Variants in TENT5D observed in about 807,000 individuals in gnomAD.
TENT5D encodes the protein terminal nucleotidyltransferase 5D, also known as cancer/testis antigen 112.
For missense variants in TENT5D, 191 were observed against 287.0 expected, an observed-to-expected ratio of 0.67 and a Z score of 2.42; for synonymous variants, 103 against 100.6, an observed-to-expected ratio of 1.02 and a Z score of -0.15.
chrX:80,364,751 A>C (rs1474537717), intron 3 of TENT5D, among the ~76,000 whole-genome samples: 1 of 110,012 alleles, frequency 9.1e-6, no homozygotes, highest in Non-Finnish European at 1.9e-5. Context: ...ATTAGTTAGA[A>C]GTTTCCTCTT....
At chrX:80,343,105 A>C (rs1464207553) in intron 3 of TENT5D, among the ~76,000 whole-genome samples, 2 of 111,656 alleles carry the variant, frequency 1.8e-5, no homozygotes, top group African/African-American at 6.5e-5. Flanking sequence ...AATTAAGATG[A>C]AGATTTAGTT....
chrX:80,363,495 G>A (rs759541160), intron 3 of TENT5D, among the ~76,000 whole-genome samples: 51 of 111,813 alleles, frequency 4.6e-4, no homozygotes, highest in African/African-American at 1.5e-3. Context: ...CTTTAAAAGT[G>A]CATACTTTTA....
At chrX:80,391,062 A>G (rs1374527342) in intron 3 of TENT5D, among the ~76,000 whole-genome samples, 2 of 112,045 alleles carry the variant, frequency 1.8e-5, no homozygotes, top group Non-Finnish European at 3.8e-5. Context: ...ACCTTTCTCA[A>G]TGTTAGTTTT....
upstream of TENT5D, among the ~76,000 whole-genome samples, chrX:80,415,775 C>T (rs149644449): frequency 1.8e-5 from 2 of 111,179 alleles, no homozygotes; most frequent in African/African-American, 3.3e-5. Context: ...TTGACTTTGC[C>T]GTTTTGTGGT....
chrX:80,397,025 G>C (rs375473665), intron 3 of TENT5D, among the ~76,000 whole-genome samples: 3 of 96,023 alleles, frequency 3.1e-5, no homozygotes, highest in South Asian at 1.1e-3. Flanking sequence ...TGGCCGGGGG[G>C]GGGGCTGACC....
intron 3 of TENT5D, among the ~76,000 whole-genome samples, chrX:80,392,978 A>T (rs1253197620): frequency 1.8e-5 from 2 of 111,624 alleles, no homozygotes; most frequent in African/African-American, 6.5e-5. Context: ...TATGTCTTTA[A>T]AAGGCTTTTA....
intron 3 of TENT5D, among the ~76,000 whole-genome samples, chrX:80,378,983 T>C (rs112255210): frequency 9.2e-6 from 1 of 109,048 alleles, no homozygotes; most frequent in Non-Finnish European, 1.9e-5. Flanking sequence ...TGCCCATTCA[T>C]TATGATATTG....
At chrX:80,347,921 A>C (rs1022750945) in intron 3 of TENT5D, among the ~76,000 whole-genome samples, 2 of 111,980 alleles carry the variant, frequency 1.8e-5, no homozygotes, top group African/African-American at 6.5e-5. Context: ...ACCATTTATT[A>C]AATAGGGAAT....
intron 2 of TENT5D, among the ~76,000 whole-genome samples, chrX:80,341,710 C>A (rs368352900): frequency 1.1e-5 from 1 of 91,431 alleles, no homozygotes; most frequent in Admixed American, 1.2e-4. Flanking sequence ...TAATTCTTTT[C>A]TTTTTTTTTT....
chrX:80,414,012 T>C (rs1931721934), intron 3 of TENT5D, among the ~76,000 whole-genome samples: 1 of 111,950 alleles, frequency 8.9e-6, no homozygotes, highest in South Asian at 3.7e-4. Context: ...AAAACAAAAT[T>C]CCAATTCAGG....
chrX:80,437,556 A>T (rs1182124626), intron 1 of TENT5D, among the ~76,000 whole-genome samples: 1 of 111,561 alleles, frequency 9.0e-6, no homozygotes, highest in Non-Finnish European at 1.9e-5. Flanking sequence ...ATATTATTTG[A>T]TAAGCATAAT....
intron 3 of TENT5D, among the ~76,000 whole-genome samples, chrX:80,374,209 T>C (rs1012903070): frequency 1.8e-5 from 2 of 111,860 alleles, no homozygotes; most frequent in Non-Finnish European, 3.8e-5. Flanking sequence ...TTCCATGGTG[T>C]ATATACACCA....
intron 3 of TENT5D, among the ~76,000 whole-genome samples, chrX:80,363,347 A>G (rs968310845): frequency 2.7e-5 from 3 of 111,765 alleles, no homozygotes; most frequent in African/African-American, 9.7e-5. Flanking sequence ...AACTTACTTA[A>G]TGCAAGATGT....
intron 3 of TENT5D, among the ~76,000 whole-genome samples, chrX:80,392,741 C>A (rs1380132919): frequency 9.5e-6 from 1 of 105,709 alleles, no homozygotes; most frequent in Non-Finnish European, 1.9e-5. Flanking sequence ...TGGTCTCGAT[C>A]TCCTGACCTC....
chrX:80,407,733 G>C (rs1293916744), intron 3 of TENT5D, among the ~76,000 whole-genome samples: 2 of 108,368 alleles, frequency 1.8e-5, no homozygotes. Flanking sequence ...ATTGAACTCA[G>C]CTCTGCACCA....
chrX:80,362,685 A>G (rs765375211), intron 3 of TENT5D, among the ~76,000 whole-genome samples: 1 of 110,993 alleles, frequency 9.0e-6, no homozygotes, highest in Non-Finnish European at 1.9e-5. Flanking sequence ...TCCTACCCTA[A>G]AGACTTAGCA....
At chrX:80,414,524 T>C (rs1931730182) in intron 3 of TENT5D, among the ~76,000 whole-genome samples, 2 of 112,156 alleles carry the variant, frequency 1.8e-5, no homozygotes, top group Non-Finnish European at 3.8e-5. Flanking sequence ...ACAGTTTGTT[T>C]TTATACATTT....
chrX:80,425,580 A>G (rs867931049), intron 1 of TENT5D, among the ~76,000 whole-genome samples: 4 of 112,765 alleles, frequency 3.5e-5, no homozygotes, highest in Admixed American at 1.9e-4. Context: ...TGACAAAATG[A>G]TCAGGGTGTT....
intron 3 of TENT5D, among the ~76,000 whole-genome samples, chrX:80,348,644 C>T (rs1160459314): frequency 9.9e-5 from 11 of 111,395 alleles, no homozygotes; most frequent in Non-Finnish European, 1.9e-4. Flanking sequence ...ATTTGAATGC[C>T]CTTTATTTCT....
Sources: allele counts gnomAD v4.1 joint callset (sites outside exome capture counted in the v4.1 genomes callset), GRCh38; gene constraint gnomAD v4.1.1; transcripts MANE v1.5; gene names NCBI Gene and HGNC (gene_info 2026-07-23, HGNC 2026-07-21).